Variants in GARIN1B observed in about 807,000 individuals in gnomAD.
GARIN1B encodes Golgi-associated RAB2 interactor protein 1B.
At chr7:128,723,775 G>T in the GARIN1B span, among the ~76,000 whole-genome samples, 1 of 151,756 alleles carries the variant, frequency 6.6e-6, no homozygotes, top group Non-Finnish European at 1.5e-5. Flanking sequence ...GCCTCCCAAA[G>T]TGCTGGGATT....
At chr7:128,715,707 CAGAAT>C in the GARIN1B span, 1 of 1,584,062 alleles carries the variant, frequency 6.3e-7, no homozygotes, top group Non-Finnish European at 8.7e-7. Flanking sequence ...TTGGGTGGCG[CAGAAT>C]AGCACTCTTT....
the GARIN1B span, chr7:128,723,232 C>T: frequency 4.3e-5 from 70 of 1,612,496 alleles, 2 homozygotes; most frequent in South Asian, 6.4e-4. Context: ...CCCAGCCCAG[C>T]GAGAGTCTCA....
chr7:128,716,907 A>G, the GARIN1B span: 17 of 1,613,812 alleles, frequency 1.1e-5, no homozygotes, highest in South Asian at 1.6e-4. Flanking sequence ...CCCCTCCCCA[A>G]CATCCTACTC....
At chr7:128,729,938 C>G in the GARIN1B span, 1 of 1,614,204 alleles carries the variant, frequency 6.2e-7, no homozygotes, top group African/African-American at 1.3e-5. Context: ...ATCCCTTGCA[C>G]CTGTGACCTA....
chr7:128,726,369 T>C, the GARIN1B span, among the ~76,000 whole-genome samples: 1 of 152,226 alleles, frequency 6.6e-6, no homozygotes, highest in Non-Finnish European at 1.5e-5. Context: ...GCTATCTTGA[T>C]AATTGCTTTG....
At chr7:128,726,215 G>A in the GARIN1B span, among the ~76,000 whole-genome samples, 1 of 152,230 alleles carries the variant, frequency 6.6e-6, no homozygotes, top group African/African-American at 2.4e-5. Context: ...ATTTTGAAAA[G>A]GTCATGCTAG....
At chr7:128,723,250 A>T in the GARIN1B span, 1 of 1,613,128 alleles carries the variant, frequency 6.2e-7, no homozygotes, top group Non-Finnish European at 8.5e-7. Context: ...TCATTCAGCT[A>T]ATGACCAAGG....
the GARIN1B span, among the ~76,000 whole-genome samples, chr7:128,709,755 T>C: frequency 0.17 from 21,738 of 125,596 alleles, 1,955 homozygotes; most frequent in East Asian, 0.48. Context: ...TCTCTCTTTT[T>C]TTTTTTTTTT....
At chr7:128,714,672 T>C in the GARIN1B span, among the ~76,000 whole-genome samples, 1 of 152,176 alleles carries the variant, frequency 6.6e-6, no homozygotes, top group Non-Finnish European at 1.5e-5. Context: ...TGGTTCTTTC[T>C]TCCTGACCTA....
At chr7:128,721,054 GA>G in the GARIN1B span, among the ~76,000 whole-genome samples, 1 of 152,016 alleles carries the variant, frequency 6.6e-6, no homozygotes, top group Non-Finnish European at 1.5e-5. Flanking sequence ...ACTTTGGGGA[GA>G]AGTGCCATCT....
the GARIN1B span, chr7:128,719,133 A>G: frequency 1.9e-6 from 3 of 1,589,728 alleles, no homozygotes; most frequent in Non-Finnish European, 1.7e-6. Flanking sequence ...GCAGCAAGGT[A>G]GAGCTTAACC....
At chr7:128,711,740 T>C in the GARIN1B span, among the ~76,000 whole-genome samples, 4 of 151,954 alleles carry the variant, frequency 2.6e-5, no homozygotes, top group Admixed American at 6.6e-5. Context: ...TGCTGAGTTT[T>C]ATTAAACACT....
chr7:128,730,814 T>C, the GARIN1B span, among the ~76,000 whole-genome samples: 1 of 152,020 alleles, frequency 6.6e-6, no homozygotes, highest in African/African-American at 2.4e-5. Context: ...GCCCAGCTAA[T>C]TTTTGTATTT....
chr7:128,721,850 A>G, the GARIN1B span, among the ~76,000 whole-genome samples: 3 of 152,128 alleles, frequency 2.0e-5, no homozygotes, highest in Admixed American at 6.5e-5. Flanking sequence ...CTCTGCATCT[A>G]TTAAGATGAT....
chr7:128,715,747 A>C, the GARIN1B span: 1 of 1,436,528 alleles, frequency 7.0e-7, no homozygotes, highest in South Asian at 1.2e-5. Flanking sequence ...TGTTCCCAAG[A>C]TATGACTGAG....
the GARIN1B span, among the ~76,000 whole-genome samples, chr7:128,718,212 C>T: frequency 5.9e-5 from 9 of 152,184 alleles, 1 homozygote; most frequent in East Asian, 1.2e-3. Context: ...GCAGGTGGAT[C>T]GCCTAAGGTC....
the GARIN1B span, chr7:128,723,417 G>T: frequency 3.4e-6 from 5 of 1,470,978 alleles, no homozygotes; most frequent in Non-Finnish European, 2.8e-6. Context: ...GTTAATGAGC[G>T]CAGGGTTTTA....
the GARIN1B span, among the ~76,000 whole-genome samples, chr7:128,722,768 C>A: frequency 6.6e-6 from 1 of 151,970 alleles, no homozygotes; most frequent in African/African-American, 2.4e-5. Context: ...CGCACCACTG[C>A]ACTCCAGCCT....
At chr7:128,724,679 T>A in the GARIN1B span, 1 of 1,273,072 alleles carries the variant, frequency 7.9e-7, no homozygotes, top group Middle Eastern at 2.2e-4. Flanking sequence ...TTACTTATGG[T>A]TTAATAGAAA....
Sources: allele counts gnomAD v4.1 joint callset (sites outside exome capture counted in the v4.1 genomes callset), GRCh38; gene constraint gnomAD v4.1.1; transcripts MANE v1.5; gene names NCBI Gene and HGNC (gene_info 2026-07-23, HGNC 2026-07-21).